The following EYS variants were observed in gnomAD, a reference collection of about 807,000 sequenced individuals.
The protein encoded by EYS is protein eyes shut homolog.
In EYS, 250 loss-of-function variants were observed where a neutral mutation model predicts 282.1. The ratio of observed to expected loss-of-function variants is 0.89; its 90% CI spans 0.80 to 0.98. The LOEUF (loss-of-function observed/expected upper bound fraction) is 0.98. Ranked by LOEUF, EYS falls within the 50% of genes least tolerant of loss-of-function variation. The pLI, the probability that EYS is intolerant of heterozygous loss-of-function variation, is 0.00. For missense variants in EYS, 4,016 were observed against 3,709.0 expected (o/e 1.08, Z -2.15); for synonymous variants, 1,355 against 1,282.9 (o/e 1.06, Z -1.20).
intron 5 of EYS, among the ~76,000 whole-genome samples, chr6:65,429,728 G>T (rs1306746): frequency 0.15 from 21,981 of 151,510 alleles, 1,646 homozygotes; most frequent in South Asian, 0.21. Context: ...CATTGAGAAT[G>T]ATTTTTTTTT....
At chr6:65,690,594 C>G (rs1306677323) in intron 1 of EYS, among the ~76,000 whole-genome samples, 3 of 150,142 alleles carry the variant, frequency 2.0e-5, no homozygotes, top group Non-Finnish European at 4.4e-5. Context: ...TGTCTTAACA[C>G]AATCCTGCAT....
chr6:64,562,570 G>A (rs1765430557), intron 26 of EYS, among the ~76,000 whole-genome samples: 1 of 151,808 alleles, frequency 6.6e-6, no homozygotes, highest in South Asian at 2.1e-4. Flanking sequence ...CTGGCTTAGA[G>A]TGAGGAAAGC....
At chr6:63,972,380 A>G (rs974560621) in intron 35 of EYS, among the ~76,000 whole-genome samples, 15 of 152,168 alleles carry the variant, frequency 9.9e-5, no homozygotes, top group African/African-American at 3.6e-4. Flanking sequence ...AGGTTCAGAA[A>G]TGGTTAGTGG....
chr6:63,744,792 T>C, intron 41 of EYS: 1 of 205,210 alleles, frequency 4.9e-6, no homozygotes, highest in South Asian at 6.2e-5. Flanking sequence ...GGTCTCGAAC[T>C]CCTGACCTCA....
At chr6:63,951,624 C>A (rs1463849356) in intron 35 of EYS, among the ~76,000 whole-genome samples, 2 of 152,186 alleles carry the variant, frequency 1.3e-5, no homozygotes, top group East Asian at 3.9e-4. Flanking sequence ...AGCTTCTGCT[C>A]CTCTACCCTA....
At chr6:64,484,889 GA>G (rs1776537612) in intron 26 of EYS, among the ~76,000 whole-genome samples, 1 of 151,542 alleles carries the variant, frequency 6.6e-6, no homozygotes, top group Admixed American at 6.6e-5. Flanking sequence ...CTGAGGAAAG[GA>G]AAGAGAGCCA....
intron 11 of EYS, among the ~76,000 whole-genome samples, chr6:65,326,728 A>G (rs1769632791): frequency 6.6e-6 from 1 of 151,588 alleles, no homozygotes; most frequent in Admixed American, 6.6e-5. Context: ...TTCATAAATC[A>G]TTCATTATAA....
chr6:63,798,545 T>C (rs571153653), intron 37 of EYS, among the ~76,000 whole-genome samples: 17 of 152,328 alleles, frequency 1.1e-4, no homozygotes, highest in African/African-American at 4.1e-4. Context: ...AATTGAACTA[T>C]GTGTTACATT....
intron 30 of EYS, among the ~76,000 whole-genome samples, chr6:64,285,214 C>A (rs1461470002): frequency 6.7e-6 from 1 of 148,946 alleles, no homozygotes; most frequent in Non-Finnish European, 1.5e-5. Flanking sequence ...AAATTTCTTC[C>A]AAATCACCTC....
intron 22 of EYS, among the ~76,000 whole-genome samples, chr6:64,651,593 G>A (rs1582998459): frequency 6.6e-6 from 1 of 152,338 alleles, no homozygotes; most frequent in East Asian, 1.9e-4. Flanking sequence ...TGAGACGGGA[G>A]AATCGCTTGA....
intron 31 of EYS, among the ~76,000 whole-genome samples, chr6:64,194,347 T>A (rs536886950): frequency 6.6e-6 from 1 of 152,222 alleles, no homozygotes; most frequent in Non-Finnish European, 1.5e-5. Flanking sequence ...AATGCATAGG[T>A]AAGTAACTTT....
At chr6:64,325,248 G>T (rs546420353) in intron 29 of EYS, among the ~76,000 whole-genome samples, 1 of 152,154 alleles carries the variant, frequency 6.6e-6, no homozygotes, top group Non-Finnish European at 1.5e-5. Context: ...AATATCACAG[G>T]ACTCTGTGCA....
chr6:63,816,831 T>C (rs1771191037), intron 36 of EYS, among the ~76,000 whole-genome samples: 1 of 152,238 alleles, frequency 6.6e-6, no homozygotes, highest in African/African-American at 2.4e-5. Flanking sequence ...CCACAGACCT[T>C]TGGTTGCTGA....
At chr6:65,238,431 G>A (rs2150273852) in intron 12 of EYS, among the ~76,000 whole-genome samples, 1 of 151,820 alleles carries the variant, frequency 6.6e-6, no homozygotes, top group East Asian at 1.9e-4. Context: ...GATCTCTGAA[G>A]CGCTGGGTTT....
At chr6:65,147,535 A>G (rs1190022101) in intron 12 of EYS, among the ~76,000 whole-genome samples, 1 of 152,032 alleles carries the variant, frequency 6.6e-6, no homozygotes, top group African/African-American at 2.4e-5. Flanking sequence ...ATGATTACAT[A>G]ATGTCTCATG....
At chr6:64,522,102 G>A (rs1443751038) in intron 26 of EYS, among the ~76,000 whole-genome samples, 1 of 151,774 alleles carries the variant, frequency 6.6e-6, no homozygotes, top group African/African-American at 2.4e-5. Context: ...TGAAGACGAG[G>A]TGCTGCCATT....
At chr6:65,517,135 C>T (rs1199047804) in intron 2 of EYS, among the ~76,000 whole-genome samples, 2 of 151,824 alleles carry the variant, frequency 1.3e-5, no homozygotes, top group East Asian at 3.8e-4. Context: ...GCTCTTGGAA[C>T]ATGGAAATTG....
chr6:64,443,941 T>C (rs557373724), intron 26 of EYS, among the ~76,000 whole-genome samples: 2 of 152,322 alleles, frequency 1.3e-5, no homozygotes, highest in East Asian at 3.9e-4. Flanking sequence ...AAGACATTTT[T>C]CTTTTTGACT....
intron 7 of EYS, among the ~76,000 whole-genome samples, chr6:65,386,014 T>A (rs6921968): frequency 0.91 from 138,055 of 151,906 alleles, 62,945 homozygotes; most frequent in Non-Finnish European, 0.95. Flanking sequence ...CACATGTGAC[T>A]TTCGGGCTTA....
Sources: allele counts gnomAD v4.1 joint callset (sites outside exome capture counted in the v4.1 genomes callset), GRCh38; gene constraint gnomAD v4.1.1; transcripts MANE v1.5; gene names NCBI Gene and HGNC (gene_info 2026-07-23, HGNC 2026-07-21).